The following TBC1D16 variants were observed in gnomAD, a reference collection of about 807,000 sequenced individuals.
TBC1D16 encodes the protein TBC1 domain family member 16, also known as CTD-2529O21.1.
Under a neutral mutation model 74.7 loss-of-function variants are expected in TBC1D16, and 58 were observed. The observed-to-expected ratio is 0.78, with a 90% CI of 0.63 to 0.97. The LOEUF (loss-of-function observed/expected upper bound fraction) is 0.97, where lower values mean the gene tolerates loss of function less well. Among genes scored for constraint, TBC1D16 ranks in the 50% least tolerant of loss-of-function variants. TBC1D16 has a pLI of 0.00. For synonymous variants in TBC1D16, 493 were observed against 474.7 expected (o/e 1.04, Z -0.50); for missense variants, 1,014 against 1,079.5 (o/e 0.94, Z 0.85).
rs1011957587 is a variant in TBC1D16 at position 79,979,929 on chromosome 17, G to A, written c.780-27111C>T. Among the ~76,000 whole-genome samples, 7 of 152,106 alleles carry A rather than the reference G, an allele frequency of 4.6e-5. No homozygotes were observed. The highest frequency in any genetic ancestry group is 1.3e-4 in the Admixed American group (2 of 15,268). On this transcript the variant is annotated intron_variant, in intron 3 of 11. Transcript: ENST00000310924. This position sits in a 1 kb window ranked among gnomAD's most constrained non-coding sequence, Gnocchi z 4.8. ...AGAGCTTGGGGCGCAGGAGGCCAAG[G>A]TCCAGGTCCCAGACACATCCATTAT...
Position 79,940,730 on chromosome 17 carries a change from T to C in TBC1D16, c.*129A>G. 8.8e-7 allele frequency: 1 copy of C among 1,142,038 alleles called. No homozygotes were observed. Among genetic ancestry groups the C allele is most frequent in the Non-Finnish European group, 1.2e-6 (1 of 855,842 alleles). 70.7% of individuals were successfully genotyped at this position (1,142,038 alleles called of 1,614,324 possible). On this transcript the variant is annotated 3_prime_UTR_variant, in exon 12 of 12. Transcript: ENST00000310924. This position sits in a 1 kb window ranked among gnomAD's most constrained non-coding sequence, Gnocchi z 5.4. ...CATTAATATGAAAAGGTTCCTCTCATGTTGCCCAAAAGCATTTTCCTTAGG... is the reference window on the plus strand; with the variant it reads ...CATTAATATGAAAAGGTTCCTCTCACGTTGCCCAAAAGCATTTTCCTTAGG...
At chr17:79,977,613 A>G (rs2034385848) in intron 3 of TBC1D16, among the ~76,000 whole-genome samples, 2 of 152,240 alleles carry the variant, frequency 1.3e-5, no homozygotes, top group Non-Finnish European at 2.9e-5. Flanking sequence ...GCTGGACGCT[A>G]CGATCTCTAG....
At chr17:79,995,643 G>A (rs1351129418) in intron 3 of TBC1D16, among the ~76,000 whole-genome samples, 1 of 150,044 alleles carries the variant, frequency 6.7e-6, no homozygotes, top group Non-Finnish European at 1.5e-5. Context: ...AAATTAGCCG[G>A]GCGTGGTGGT....
intron 9 of TBC1D16, among the ~76,000 whole-genome samples, chr17:79,946,761 C>T (rs1598324063): frequency 6.6e-6 from 1 of 152,336 alleles, no homozygotes. Context: ...CACTCAGTCC[C>T]ACCACTGGGA....
Position 80,010,500 on chromosome 17 carries a change from T to C in TBC1D16, c.439A>G (p.Ser147Gly), listed in dbSNP as rs1200395866. ...CTGGCGAGCATGCGGTCTGGAACAC[T>C]CTGGGCCACCACCAGGATGTCCTCA... ...KDEDILVVAQ[S>G]VPDRMLASPA... Residue 147 changes from serine to glycine, a missense_variant, in exon 3 of 12, where the codon AGT becomes GGT. By Grantham distance (56) the Ser-to-Gly change is moderately conservative. Transcript: ENST00000310924. This position sits in a 1 kb window ranked among gnomAD's most constrained non-coding sequence, Gnocchi z 8.8. 1.9e-6 allele frequency: 3 copies of C among 1,610,982 alleles called. No individual in the cohort carries two copies. In the Admixed American group the frequency reaches 5.0e-5, roughly 27 times the overall value.
intron 7 of TBC1D16, 66 bp downstream of exon 7, chr17:79,949,651 T>C: frequency 6.4e-7 from 1 of 1,557,082 alleles, no homozygotes; most frequent in Non-Finnish European, 8.7e-7. Context: ...CACCTCAAAT[T>C]GCCTTTTCAA....
chr17:80,004,588 C>T (rs994296073), intron 3 of TBC1D16, among the ~76,000 whole-genome samples: 3 of 152,236 alleles, frequency 2.0e-5, no homozygotes, highest in Admixed American at 6.5e-5. Flanking sequence ...TCCACCTCCT[C>T]TGCCGTTGGA....
chr17:80,017,974 A>G (rs1253698725), intron 1 of TBC1D16, among the ~76,000 whole-genome samples: 3 of 152,200 alleles, frequency 2.0e-5, no homozygotes, highest in African/African-American at 7.2e-5. Flanking sequence ...ATCAAAAAAC[A>G]TATTGTCCTT....
At chr17:79,959,021 T>C (rs1243487645) in intron 3 of TBC1D16, among the ~76,000 whole-genome samples, 2 of 152,266 alleles carry the variant, frequency 1.3e-5, no homozygotes, top group Admixed American at 6.5e-5. Context: ...AAACAATCTT[T>C]AGAACTAATA....
chr17:79,950,533 G>A lies in TBC1D16; in HGVS notation c.1135C>T (p.Pro379Ser), dbSNP rs556223947. The A allele has an allele frequency of 1.9e-6, 3 of 1,613,260 alleles. No homozygotes were observed. Among genetic ancestry groups the A allele is most frequent in the Non-Finnish European group, 2.5e-6 (3 of 1,179,874 alleles). ...TGCGTCTCGGAGGACGGCAGCTTGG[G>A]GCGGCGGATGGAGAACTGCATGCAT... ...KTCMQFSIRR[P>S]KLPSSETHPE... is the part of the protein sequence containing the mutation. The change falls in exon 6 of 12, where the codon CCC becomes TCC. Residue 379 changes from proline to serine, a missense_variant. Transcript: ENST00000310924. This position sits in a 1 kb window ranked among gnomAD's most constrained non-coding sequence, Gnocchi z 4.6.
chr17:80,027,385 C>G (rs1037342065), intron 1 of TBC1D16, among the ~76,000 whole-genome samples: 16 of 151,934 alleles, frequency 1.1e-4, no homozygotes, highest in African/African-American at 3.9e-4. Flanking sequence ...TCGCTTGAGC[C>G]CAGGAGTTCG....
chr17:80,002,894 C>A (rs1420396360), intron 3 of TBC1D16, among the ~76,000 whole-genome samples: 2 of 152,216 alleles, frequency 1.3e-5, no homozygotes, highest in Admixed American at 6.5e-5. Flanking sequence ...AGGAAGCACC[C>A]GGGAACGGTG....
chr17:80,003,319 G>A (rs2035560067), intron 3 of TBC1D16, among the ~76,000 whole-genome samples: 1 of 152,212 alleles, frequency 6.6e-6, no homozygotes, highest in South Asian at 2.1e-4. Context: ...ACACCATCTT[G>A]CCTAGGCTGG....
At chr17:79,969,650 T>C (rs1474376732) in intron 3 of TBC1D16, among the ~76,000 whole-genome samples, 3 of 152,032 alleles carry the variant, frequency 2.0e-5, no homozygotes, top group East Asian at 1.9e-4. Flanking sequence ...TCCTAGATAA[T>C]AGAAAATAGG....
chr17:79,944,785 G>A lies in TBC1D16; in HGVS notation c.1908+123C>T, dbSNP rs1011567834. 33 of 892,632 alleles carry A rather than the reference G, an allele frequency of 3.7e-5. 1 individual carries two copies. Among genetic ancestry groups the A allele is most frequent in the Middle Eastern group, 7.1e-4 (2 of 2,834 alleles). 55.3% of individuals were successfully genotyped at this position (892,632 alleles called of 1,614,324 possible). ...GGGACGGGAAGGCAGTCGCCGTATG[G>A]GGGGCTAATGTGTGGCTGTGGGTGG... On this transcript the variant is annotated intron_variant, in intron 10 of 11. Transcript: ENST00000310924. The surrounding 1 kb of genome is among the most constrained non-coding windows in gnomAD (Gnocchi z 7.7).
intron 1 of TBC1D16, among the ~76,000 whole-genome samples, chr17:80,020,377 A>G (rs2036244876): frequency 6.7e-6 from 1 of 149,700 alleles, no homozygotes; most frequent in Non-Finnish European, 1.5e-5. Context: ...TGAGATCAGG[A>G]GTTCAAGACC....
In TBC1D16 at chr17:80,007,788, G is replaced by A. The variant is rs2035733919; in HGVS notation, c.779+2372C>T. On this transcript the variant is annotated intron_variant, in intron 3 of 11. Transcript: ENST00000310924. This position sits in a 1 kb window ranked among gnomAD's most constrained non-coding sequence, Gnocchi z 4.5. ...CACAAGATCTAGAGGCAGAGAGGAC[G>A]ACGAACTTGGAGGTGTGCACAGTGG... Among the ~76,000 whole-genome samples, 3 of 152,182 alleles carry A rather than the reference G, an allele frequency of 2.0e-5. No individual in the cohort carries two copies. Among genetic ancestry groups the A allele is most frequent in the Admixed American group, 6.5e-5 (1 of 15,284 alleles).
chr17:79,984,681 C>A (rs2034755480), intron 3 of TBC1D16, among the ~76,000 whole-genome samples: 2 of 119,660 alleles, frequency 1.7e-5, no homozygotes, highest in South Asian at 2.9e-4. Flanking sequence ...AAAAGCCCTC[C>A]AAAACATGGA....
Position 80,010,782 on chromosome 17 carries a change from C to T in TBC1D16, c.182-25G>A, listed in dbSNP as rs368059090. 63 of 1,452,504 alleles carry T rather than the reference C, an allele frequency of 4.3e-5. No homozygotes were observed. Among genetic ancestry groups the T allele is most frequent in the Middle Eastern group, 3.7e-4 (2 of 5,432 alleles). 90.0% of individuals were successfully genotyped at this position (1,452,504 alleles called of 1,614,324 possible). On this transcript the variant is annotated intron_variant, in intron 2 of 11. Coordinates refer to ENST00000310924, the MANE Select transcript of TBC1D16 (RefSeq NM_019020.4). This position sits in a 1 kb window ranked among gnomAD's most constrained non-coding sequence, Gnocchi z 8.8. ...CCTGTGAGGAGCCAGGGGGATGGCA[C>T]GTTAGAGGCCAGGAGGCTGTGGATG...
Sources: allele counts gnomAD v4.1 joint callset (sites outside exome capture counted in the v4.1 genomes callset), GRCh38; gene constraint gnomAD v4.1.1; non-coding constraint Gnocchi (gnomAD v3.1); transcripts MANE v1.5; gene names NCBI Gene and HGNC (gene_info 2026-07-23, HGNC 2026-07-21).